SAMD9L: variants seen among roughly 807,000 people sequenced by gnomAD.
SAMD9L encodes the protein sterile alpha motif domain-containing protein 9-like.
Under a neutral mutation model 90.7 loss-of-function variants are expected in SAMD9L, and 68 were observed. The ratio of observed to expected loss-of-function variants is 0.75; its 90% CI spans 0.62 to 0.92. The LOEUF is 0.92. Among genes scored for constraint, SAMD9L ranks in the 40% least tolerant of loss-of-function variants. SAMD9L has a pLI of 0.00. For missense variants in SAMD9L, 1,604 were observed against 1,824.3 expected (o/e 0.88, Z 2.20); for synonymous variants, 640 against 630.1 (o/e 1.02, Z -0.23).
Position 93,131,552 on chromosome 7 carries a change from T to A in SAMD9L, c.4420A>T (p.Thr1474Ser). ...KRMCRSKQAS[T>S]LFYLGKRKGL... ...TTCCTTTTGCCCAGATAGAAAAGTG[T>A]GCTTGCCTGCTTGGACCTGCACATG... The change falls in exon 5 of 5, where the codon ACA (threonine) becomes TCA (serine). Residue 1474 changes from threonine to serine, a missense_variant. Thr to Ser is a moderately conservative substitution (Grantham distance 58). This residue lies in a region of SAMD9L where 282 missense variants were observed against 329.6 expected (regional missense o/e 0.86). Transcript: ENST00000318238. The A allele has an allele frequency of 6.2e-7, 1 of 1,614,036 alleles. No individual in the cohort carries two copies.
At chr7:93,146,444 T>C (rs1792894878) in intron 2 of SAMD9L, among the ~76,000 whole-genome samples, 1 of 152,244 alleles carries the variant, frequency 6.6e-6, no homozygotes, top group Non-Finnish European at 1.5e-5. Context: ...AAATATTTTA[T>C]ATATTTTAAC....
In SAMD9L at chr7:93,132,489, T is replaced by C. The variant is rs1477737151; in HGVS notation, c.3483A>G (p.Arg1161=). Residue 1161 remains arginine (R), a synonymous_variant, in exon 5 of 5, where the codon AGA becomes AGG. Coordinates refer to ENST00000318238, the MANE Select transcript of SAMD9L (RefSeq NM_152703.5). ...TTTGCCTTTGGGATTCTTTGAAAGC[T>C]CTTGAGGCTTTTTCCGCAGCTTCTA... ...HLLEAAEKAS[R]AFKESQRQTD... 3.1e-6 allele frequency: 5 copies of C among 1,613,894 alleles called. No individual in the cohort carries two copies. Among genetic ancestry groups the C allele is most frequent in the Non-Finnish European group, 3.4e-6 (4 of 1,179,844 alleles).
rs752232035 is a variant in SAMD9L at position 93,134,792 on chromosome 7, C to T, written c.1180G>A (p.Glu394Lys). 6.2e-7 allele frequency: 1 copy of T among 1,613,418 alleles called. No individual in the cohort carries two copies. Among genetic ancestry groups the T allele is most frequent in the South Asian group, 1.1e-5 (1 of 91,080 alleles). Reference sequence around the variant, plus strand: ...AGAAGTTTAACCAGCTTTAGTCCTTCACTCTCCTTCTTCATTGCCTTCATT... The same window carrying T: ...AGAAGTTTAACCAGCTTTAGTCCTTTACTCTCCTTCTTCATTGCCTTCATT... ...YGMKAMKKES[E>K]GLKLVKLLIG... The change falls in exon 5 of 5, where the codon GAA (glutamate) becomes AAA (lysine). Residue 394 changes from glutamate to lysine, a missense_variant. By Grantham distance (56) the Glu-to-Lys change is moderately conservative. Around this residue, in one of 7 missense-constraint regions of SAMD9L, gnomAD observed 606 missense variants for 717.6 expected, o/e 0.84. Transcript: ENST00000318238.
Position 93,132,459 on chromosome 7 carries a change from A to T in SAMD9L, c.3513T>A (p.Asp1171Glu), listed in dbSNP as rs779705167. Residue 1171 changes from aspartate to glutamate, a missense_variant, in exon 5 of 5, where the codon GAT becomes GAA. Around this residue, in one of 7 missense-constraint regions of SAMD9L, gnomAD observed 302 missense variants for 314.7 expected, o/e 0.96. Transcript: ENST00000318238. ...AGTTCTCGGTTTCATAGTTTTTACT[A>T]TCAGTTTGCCTTTGGGATTCTTTGA... is the stretch of plus-strand genomic sequence containing the variant. Reference protein sequence around the residue: ...RAFKESQRQTDSKNYETENWS... With the variant: ...RAFKESQRQTESKNYETENWS... The T allele has an allele frequency of 2.5e-6, 4 of 1,613,610 alleles. No homozygotes were observed. The highest frequency in any genetic ancestry group is 3.4e-6 in the Non-Finnish European group (4 of 1,179,800).
At position 93,134,466 on chromosome 7, in the gene SAMD9L, T is replaced by A; in HGVS notation, c.1506A>T (p.Ser502=). ...QPSWIFCNGR[S]DLKSETYKPL... Reference sequence around the variant, plus strand: ...GTTTATATGTCTCGCTTTTCAGGTCTGATCTGCCGTTGCAGAAAATCCAGC... The same window carrying A: ...GTTTATATGTCTCGCTTTTCAGGTCAGATCTGCCGTTGCAGAAAATCCAGC... Residue 502 remains serine (S), a synonymous_variant, in exon 5 of 5, where the codon TCA becomes TCT. Coordinates refer to ENST00000318238, the MANE Select transcript of SAMD9L (RefSeq NM_152703.5). 1 of 1,614,026 alleles carries A rather than the reference T, an allele frequency of 6.2e-7. No homozygotes were observed. The highest frequency in any genetic ancestry group is 8.5e-7 in the Non-Finnish European group (1 of 1,179,910).
chr7:93,131,270 A>G lies in SAMD9L; in HGVS notation c.4702T>C (p.Tyr1568His). 1 of 1,601,768 alleles carries G rather than the reference A, an allele frequency of 6.2e-7. No homozygotes were observed. Among genetic ancestry groups the G allele is most frequent in the Non-Finnish European group, 8.5e-7 (1 of 1,175,552 alleles). Reference protein sequence around the residue: ...SGRNIERVSFYLGFSIEGPLA... With the variant: ...SGRNIERVSFHLGFSIEGPLA... ...GGGCCTTCAATGGAAAATCCTAGGT[A>G]GAAAGACACTCTTTCTATGTTCCTA... The change falls in exon 5 of 5, where the codon TAC becomes CAC. Residue 1568 changes from tyrosine (Y) to histidine (H), a missense_variant. By Grantham distance (83) the Tyr-to-His change is moderately conservative. Around this residue, in one of 7 missense-constraint regions of SAMD9L, gnomAD observed 282 missense variants for 329.6 expected, o/e 0.86. Coordinates refer to ENST00000318238, the MANE Select transcript of SAMD9L (RefSeq NM_152703.5).
chr7:93,145,284 A>G (rs1228466287), intron 3 of SAMD9L, 101 bp downstream of exon 3: 1 of 152,242 alleles, frequency 6.6e-6, no homozygotes, highest in African/African-American at 2.4e-5. Context: ...ACTTGCAAGT[A>G]TGTTCATTTT....
Position 93,132,712 on chromosome 7 carries a change from G to A in SAMD9L, c.3260C>T (p.Ala1087Val), listed in dbSNP as rs747115736. ...RFPQNAFICQ[A>V]LARHFYIKEK... is the part of the protein sequence containing the mutation. ...TTTAATGTAGAAATGTCTTGCTAAG[G>A]CTTGACAAATGAATGCATTTTGTGG... The change falls in exon 5 of 5, where the codon GCC (alanine) becomes GTC (valine). Residue 1087 changes from alanine to valine, a missense_variant. Ala to Val is a moderately conservative substitution (Grantham distance 64). Coordinates refer to ENST00000318238, the MANE Select transcript of SAMD9L (RefSeq NM_152703.5). 6.2e-6 allele frequency: 10 copies of A among 1,613,814 alleles called. No homozygotes were observed. Among genetic ancestry groups the A allele is most frequent in the Non-Finnish European group, 8.5e-6 (10 of 1,179,828 alleles).
Position 93,134,020 on chromosome 7 carries a change from T to C in SAMD9L, c.1952A>G (p.Asp651Gly), listed in dbSNP as rs1391652509. 6.2e-7 allele frequency: 1 copy of C among 1,613,692 alleles called. No individual in the cohort carries two copies. Among genetic ancestry groups the C allele is most frequent in the Non-Finnish European group, 8.5e-7 (1 of 1,179,880 alleles). Residue 651 changes from aspartate (D) to glycine (G), a missense_variant, in exon 5 of 5, where the codon GAT becomes GGT. Physicochemically the swap from Asp to Gly is moderately conservative, Grantham distance 94. This residue lies in a region of SAMD9L where 606 missense variants were observed against 717.6 expected (regional missense o/e 0.84). Transcript: ENST00000318238. ...GAGGATTTCCAGTGCAGTCAAGACA[T>C]CCTCTTTCTTTTTCTCTAGGATAAC... ...SSVILEKKKE[D>G]VLTALEILCE...
In SAMD9L at chr7:93,134,339, C is replaced by A; in HGVS notation, c.1633G>T (p.Val545Leu). 1.9e-6 allele frequency: 3 copies of A among 1,610,798 alleles called. No individual in the cohort carries two copies. Among genetic ancestry groups the A allele is most frequent in the Non-Finnish European group, 2.5e-6 (3 of 1,179,094 alleles). Residue 545 changes from valine to leucine, a missense_variant, in exon 5 of 5, where the codon GTA becomes TTA. By Grantham distance (32) the Val-to-Leu change is conservative (BLOSUM62 1). This residue lies in a region of SAMD9L where 606 missense variants were observed against 717.6 expected (regional missense o/e 0.84). Coordinates refer to ENST00000318238, the MANE Select transcript of SAMD9L (RefSeq NM_152703.5). ...ACTGAAGAGAGTAATAGAAACACTA[C>A]CAAAAATTTTCCTCTTGTCATTATA... Reference protein sequence around the residue: ...ENIMTRGKFLVVFLLLSSVES... With the variant: ...ENIMTRGKFLLVFLLLSSVES...
intron 4 of SAMD9L, among the ~76,000 whole-genome samples, chr7:93,143,081 T>C (rs1792755898): frequency 6.6e-6 from 1 of 152,218 alleles, no homozygotes; most frequent in Admixed American, 6.5e-5. Context: ...GTCTTTGTGT[T>C]ACCTGACAGC....
intron 3 of SAMD9L, among the ~76,000 whole-genome samples, chr7:93,145,169 TAAA>T (rs1792842924): frequency 1.3e-5 from 2 of 152,322 alleles, no homozygotes; most frequent in South Asian, 4.1e-4. Flanking sequence ...GTTTCTTGTT[TAAA>T]AATTCTGCAA....
intron 4 of SAMD9L, among the ~76,000 whole-genome samples, chr7:93,140,763 A>G (rs1743955935): frequency 6.6e-6 from 1 of 152,186 alleles, no homozygotes; most frequent in African/African-American, 2.4e-5. Flanking sequence ...AGTGAGGTCA[A>G]CCTCTCCACT....
intron 2 of SAMD9L, among the ~76,000 whole-genome samples, chr7:93,146,424 T>C (rs1197105110): frequency 6.6e-6 from 1 of 152,208 alleles, no homozygotes; most frequent in Non-Finnish European, 1.5e-5. Flanking sequence ...ACTTAGGACT[T>C]ACAAGCAGCA....
In SAMD9L at chr7:93,134,994, TTGCATC is replaced by T; in HGVS notation, c.972_977del (p.Met325_Gln326del). On this transcript the variant is annotated inframe_deletion, in exon 5 of 5. Coordinates refer to ENST00000318238, the MANE Select transcript of SAMD9L (RefSeq NM_152703.5). Reference sequence around the variant, plus strand: ...GTTTCCATATTTTATCTTTACAAATTTGCATCTGAATGTAGAAATACTTATCATTAC... The same window carrying T: ...GTTTCCATATTTTATCTTTACAAATTTGAATGTAGAAATACTTATCATTAC... The T allele has an allele frequency of 3.1e-6, 5 of 1,613,380 alleles. No homozygotes were observed. The highest frequency in any genetic ancestry group is 4.2e-6 in the Non-Finnish European group (5 of 1,179,352).
chr7:93,148,218 G>A lies in SAMD9L; in HGVS notation c.-1067C>T, dbSNP rs553047429. ...CCAGGATTTTCCTGAAAATGTCATC[G>A]TTTTATATCAGAAACTTGAAACAGG... On this transcript the variant is annotated 5_prime_UTR_variant, in exon 1 of 5. It adds an upstream start codon to the 5' untranslated region. Coordinates refer to ENST00000318238, the MANE Select transcript of SAMD9L (RefSeq NM_152703.5). 2 of 152,254 alleles carry A rather than the reference G, an allele frequency of 1.3e-5. No individual in the cohort carries two copies. Among genetic ancestry groups the A allele is most frequent in the South Asian group, 4.1e-4 (2 of 4,822 alleles). 9.4% of individuals were successfully genotyped at this position (152,254 alleles called of 1,614,324 possible).
chr7:93,143,312 C>T (rs546838045), intron 4 of SAMD9L, among the ~76,000 whole-genome samples: 14 of 152,196 alleles, frequency 9.2e-5, no homozygotes, highest in Non-Finnish European at 1.9e-4. Context: ...CACACCCTGA[C>T]TGGAGTATAC....
At chr7:93,138,821 T>TC (rs11375404) in intron 4 of SAMD9L, among the ~76,000 whole-genome samples, 152,329 of 152,330 alleles carry the variant, frequency 1, 76,164 homozygotes, top group Middle Eastern at 1. Flanking sequence ...TATTCCCATC[T>TC]CTCTGCCGAG....
chr7:93,137,734 GTT>G (rs61599939), intron 4 of SAMD9L, among the ~76,000 whole-genome samples: 24,687 of 121,966 alleles, frequency 0.2, 3,942 homozygotes, highest in African/African-American at 0.44. Context: ...AGGAACCTAA[GTT>G]TTTTTTTTTT....
Sources: gnomAD v4.1 joint callset for allele counts (sites outside exome capture counted in the v4.1 genomes callset) on GRCh38, gnomAD v4.1.1 for gene constraint, gnomAD v4.1.1 regional missense constraint, MANE v1.5 for transcripts, NCBI Gene and HGNC (gene_info 2026-07-23, HGNC 2026-07-21) for gene names.